Variants in RANBP2 observed in about 807,000 individuals in gnomAD.
RANBP2 encodes RAN binding protein 2.
In RANBP2, 57 loss-of-function variants were observed where a neutral mutation model predicts 303.6. That is an observed-to-expected ratio of 0.19 (90% CI 0.15 to 0.23). The LOEUF is 0.23. Among genes scored for constraint, RANBP2 ranks in the 10% least tolerant of loss-of-function variants. RANBP2 has a pLI of 1.00. For synonymous variants in RANBP2, 1,167 were observed against 1,301.5 expected (o/e 0.90, Z 2.23); for missense variants, 3,138 against 3,780.8 (o/e 0.83, Z 4.46).
the RANBP2 span, among the ~76,000 whole-genome samples, chr2:108,814,119 C>T: frequency 6.6e-6 from 1 of 152,282 alleles, no homozygotes; most frequent in Non-Finnish European, 1.5e-5. Context: ...ACTACAATTT[C>T]TGGGTCATAA....
At chr2:109,186,281 T>C in the RANBP2 span, among the ~76,000 whole-genome samples, 3 of 152,376 alleles carry the variant, frequency 2.0e-5, no homozygotes, top group South Asian at 4.1e-4. Context: ...TGAATTCATG[T>C]AATCCTGACT....
At chr2:109,412,972 C>T in the RANBP2 span, among the ~76,000 whole-genome samples, 2 of 152,152 alleles carry the variant, frequency 1.3e-5, no homozygotes, top group African/African-American at 2.4e-5. Context: ...ACGGCACAGG[C>T]GGCAGTGGGG....
At chr2:109,456,595 G>A in the RANBP2 span, among the ~76,000 whole-genome samples, 180 of 152,318 alleles carry the variant, frequency 1.2e-3, no homozygotes, top group African/African-American at 4.2e-3. Context: ...TGTTATCTGC[G>A]CCCTCCCAGG....
the RANBP2 span, among the ~76,000 whole-genome samples, chr2:109,041,687 T>A: frequency 1.4e-4 from 15 of 105,824 alleles, no homozygotes; most frequent in South Asian, 8.6e-4. Context: ...ATGCCCGGCT[T>A]TTTTTTTTTT....
the RANBP2 span, among the ~76,000 whole-genome samples, chr2:109,662,425 T>C: frequency 1.3e-5 from 2 of 152,220 alleles, no homozygotes; most frequent in African/African-American, 4.8e-5. Context: ...TAGCTGGGAC[T>C]ACAGGCACCC....
chr2:109,163,635 G>A, the RANBP2 span, among the ~76,000 whole-genome samples: 2 of 151,904 alleles, frequency 1.3e-5, no homozygotes, highest in South Asian at 2.1e-4. Flanking sequence ...TCCTGACCTC[G>A]TGATCCGCCC....
chr2:108,767,267 T>C lies in RANBP2; in HGVS notation c.6728T>C (p.Val2243Ala), dbSNP rs149880163. The stretch of plus-strand genomic sequence containing the variant: ...GATGATAGTGTCAGTAGTAGCTCAG[T>C]ACATGCTTCTCCATTGGCAAGTAGC... The part of the protein sequence containing the change: ...ALDDSVSSSS[V>A]HASPLASSPV... The change falls in exon 20 of 29, where the codon GTA becomes GCA. Residue 2243 changes from valine (V) to alanine (A), a missense_variant. This residue lies in a region of RANBP2 where 72 missense variants were observed against 86.8 expected (regional missense o/e 0.83). Coordinates refer to ENST00000283195, the MANE Select transcript of RANBP2 (RefSeq NM_006267.5). The C allele has an allele frequency of 1.7e-4, 273 of 1,611,956 alleles. 1 individual carries two copies. The highest frequency in any genetic ancestry group is 2.2e-4 in the Non-Finnish European group (264 of 1,179,882).
chr2:109,411,726 G>A, the RANBP2 span, among the ~76,000 whole-genome samples: 5 of 152,294 alleles, frequency 3.3e-5, no homozygotes, highest in East Asian at 1.9e-4. Context: ...TAGGAAGGCC[G>A]GCCACACGGG....
chr2:108,825,844 GT>G, the RANBP2 span, among the ~76,000 whole-genome samples: 1 of 152,132 alleles, frequency 6.6e-6, no homozygotes, highest in East Asian at 1.9e-4. Context: ...GTGCCAGACT[GT>G]TTGTCAAAGT....
At chr2:109,526,184 C>A in the RANBP2 span, among the ~76,000 whole-genome samples, 4 of 152,214 alleles carry the variant, frequency 2.6e-5, no homozygotes, top group Non-Finnish European at 5.9e-5. Context: ...AGCTCATCTG[C>A]CACCCTCTGA....
At chr2:109,115,750 AT>A in the RANBP2 span, among the ~76,000 whole-genome samples, 9 of 151,914 alleles carry the variant, frequency 5.9e-5, no homozygotes, top group African/African-American at 9.7e-5. Flanking sequence ...ATTTGGCATG[AT>A]TTTGCAGTGG....
chr2:108,897,181 C>T, the RANBP2 span: 2 of 1,613,822 alleles, frequency 1.2e-6, no homozygotes, highest in South Asian at 1.1e-5. Context: ...GCTGAGCATT[C>T]GGCTAGTCTT....
chr2:109,316,866 G>A, the RANBP2 span, among the ~76,000 whole-genome samples: 16 of 152,174 alleles, frequency 1.1e-4, no homozygotes, highest in Admixed American at 3.3e-4. Flanking sequence ...GTAGTTCTGC[G>A]TTCTCCAGAA....
the RANBP2 span, among the ~76,000 whole-genome samples, chr2:109,114,926 C>T: frequency 2.6e-5 from 4 of 152,202 alleles, no homozygotes; most frequent in African/African-American, 4.8e-5. Flanking sequence ...GTTCAGTTTC[C>T]ATGTAGTTGA....
the RANBP2 span, among the ~76,000 whole-genome samples, chr2:108,806,748 G>A: frequency 6.6e-6 from 1 of 152,202 alleles, no homozygotes; most frequent in Admixed American, 6.5e-5. Flanking sequence ...AAAAAGATAT[G>A]TTATTTCTGT....
chr2:108,950,042 C>T, the RANBP2 span, among the ~76,000 whole-genome samples: 2 of 152,180 alleles, frequency 1.3e-5, no homozygotes, highest in African/African-American at 4.8e-5. Flanking sequence ...CTGAGTGCGG[C>T]CTGGGCATGG....
the RANBP2 span, chr2:108,923,385 G>T: frequency 6.2e-7 from 1 of 1,614,074 alleles, no homozygotes; most frequent in Non-Finnish European, 8.5e-7. Flanking sequence ...GGTGTTGGGG[G>T]GTGCCAGGAG....
chr2:109,670,332 T>G, the RANBP2 span, among the ~76,000 whole-genome samples: 5 of 37,918 alleles, frequency 1.3e-4, no homozygotes, highest in South Asian at 1.9e-3. Context: ...GGGTGGGGGT[T>G]GGTTGGGGGG....
At chr2:109,383,013 G>A in the RANBP2 span, among the ~76,000 whole-genome samples, 4 of 152,190 alleles carry the variant, frequency 2.6e-5, no homozygotes, top group East Asian at 1.9e-4. Context: ...CCTGGAGATC[G>A]GCCTTAGGAA....
Sources: allele counts gnomAD v4.1 joint callset (sites outside exome capture counted in the v4.1 genomes callset), GRCh38; gene constraint gnomAD v4.1.1; regional missense constraint gnomAD v4.1.1; transcripts MANE v1.5; gene names NCBI Gene and HGNC (gene_info 2026-07-23, HGNC 2026-07-21).